Variants in SPRY3 observed in about 807,000 individuals in gnomAD.
The protein encoded by SPRY3 is protein sprouty homolog 3.
A neutral mutation model predicts 20.2 loss-of-function variants in SPRY3; 15 were observed. That is an observed-to-expected ratio of 0.74 (90% CI 0.50 to 1.14). The LOEUF (loss-of-function observed/expected upper bound fraction) is 1.14, where lower values mean the gene tolerates loss of function less well. SPRY3 is among the 50% of genes most tolerant of loss of function. The pLI is 0.00. For missense variants in SPRY3, 364 were observed against 363.9 expected, an observed-to-expected ratio of 1.00 and a Z score of 0.00; for synonymous variants, 143 against 136.5, an observed-to-expected ratio of 1.05 and a Z score of -0.33.
chrX:155,732,026 A>T (rs1385951924), intron 2 of SPRY3, among the ~76,000 whole-genome samples: 1 of 151,996 alleles, frequency 6.6e-6, no homozygotes, highest in Non-Finnish European at 1.5e-5. Context: ...GTAAATCTCA[A>T]TTGATAAAAA....
intron 3 of SPRY3, among the ~76,000 whole-genome samples, chrX:155,768,425 C>A (rs928919986): frequency 1.3e-5 from 2 of 152,028 alleles, no homozygotes; most frequent in Admixed American, 6.5e-5. Context: ...GCCTGTTAAC[C>A]TTTAAATGCA....
intron 2 of SPRY3, among the ~76,000 whole-genome samples, chrX:155,695,832 T>C (rs1376534691): frequency 9.0e-6 from 1 of 111,321 alleles, no homozygotes; most frequent in Non-Finnish European, 1.9e-5. Flanking sequence ...TTTCTGCTGA[T>C]ATTTCCAATT....
intron 2 of SPRY3, among the ~76,000 whole-genome samples, chrX:155,692,056 A>G (rs1269184043): frequency 3.5e-5 from 2 of 57,818 alleles, no homozygotes; most frequent in Non-Finnish European, 6.1e-5. Flanking sequence ...TAACTATTAC[A>G]TATTCTTACT....
At chrX:155,750,210 C>A (rs9657865) in intron 2 of SPRY3, among the ~76,000 whole-genome samples, 3,481 of 151,818 alleles carry the variant, frequency 0.023, 57 homozygotes, top group Non-Finnish European at 0.036. Context: ...TTCTCACTTA[C>A]AAGTGGGAGC....
chrX:155,758,384 C>T (rs1232252411), intron 2 of SPRY3, among the ~76,000 whole-genome samples: 3 of 152,188 alleles, frequency 2.0e-5, no homozygotes, highest in African/African-American at 7.2e-5. Context: ...TTGTCCCTCC[C>T]TCACACACTT....
intron 2 of SPRY3, among the ~76,000 whole-genome samples, chrX:155,767,574 A>AC (rs2124599462): frequency 7.0e-6 from 1 of 142,584 alleles, no homozygotes; most frequent in Non-Finnish European, 1.5e-5. Context: ...GAGGAGGTAA[A>AC]GGAGGAAGAA....
At chrX:155,774,805 C>T in exon 4 of SPRY3, 1 of 1,520,450 alleles carries the variant, frequency 6.6e-7, no homozygotes, top group Non-Finnish European at 8.9e-7. Flanking sequence ...TAGGCCTCAT[C>T]TTTGGAGAGG....
At chrX:155,764,535 C>G (rs1294336589) in intron 2 of SPRY3, among the ~76,000 whole-genome samples, 1 of 152,150 alleles carries the variant, frequency 6.6e-6, no homozygotes, top group Non-Finnish European at 1.5e-5. Flanking sequence ...AATTGGTTAT[C>G]CATTCATTCA....
intron 2 of SPRY3, among the ~76,000 whole-genome samples, chrX:155,672,905 G>A (rs782056227): frequency 1.1e-4 from 12 of 106,224 alleles, no homozygotes; most frequent in South Asian, 4.4e-4. Context: ...ATGAGTTCAT[G>A]TCCTTTGTAG....
intron 2 of SPRY3, among the ~76,000 whole-genome samples, chrX:155,748,198 T>G (rs1257587091): frequency 6.6e-6 from 1 of 151,802 alleles, no homozygotes; most frequent in African/African-American, 2.4e-5. Context: ...ATGTTAAACA[T>G]AAGATTGGTG....
intron 2 of SPRY3, among the ~76,000 whole-genome samples, chrX:155,706,793 G>T (rs2090954703): frequency 6.6e-6 from 1 of 150,808 alleles, no homozygotes; most frequent in African/African-American, 2.4e-5. Flanking sequence ...CATCCAAGAA[G>T]AAATAACCAT....
chrX:155,737,647 T>C (rs1298073299), intron 2 of SPRY3, among the ~76,000 whole-genome samples: 1 of 152,174 alleles, frequency 6.6e-6, no homozygotes, highest in Admixed American at 6.5e-5. Context: ...CTGGATGTGA[T>C]AGTTAGGAAA....
intron 3 of SPRY3, among the ~76,000 whole-genome samples, chrX:155,770,585 T>A (rs1349067909): frequency 2.0e-5 from 3 of 152,098 alleles, no homozygotes; most frequent in African/African-American, 7.2e-5. Context: ...AGCCAAGACC[T>A]GTAATCACCT....
chrX:155,746,218 A>T lies in SPRY3; in HGVS notation c.-281-21744A>T, dbSNP rs28638224. Reference sequence around the variant, plus strand: ...TTACTTTCTTTTATACCTGTAAGCAAGTAAATATTAATAATCTTTTACATT... The same window carrying T: ...TTACTTTCTTTTATACCTGTAAGCATGTAAATATTAATAATCTTTTACATT... On this transcript the variant is annotated intron_variant, in intron 2 of 3. Coordinates refer to ENST00000675360, the Ensembl canonical transcript of SPRY3. 1.1e-3 allele frequency among the ~76,000 whole-genome samples: 171 copies of T among 152,172 alleles called. 1 individual carries two copies. The highest frequency in any genetic ancestry group is 4.0e-3 in the African/African-American group (167 of 41,554).
At chrX:155,768,592 G>C (rs931347111) in intron 3 of SPRY3, among the ~76,000 whole-genome samples, 2 of 152,150 alleles carry the variant, frequency 1.3e-5, no homozygotes, top group African/African-American at 4.8e-5. Flanking sequence ...GCTGTGCATC[G>C]TTCAGATTTC....
At chrX:155,704,162 A>G (rs1372577443) in intron 2 of SPRY3, among the ~76,000 whole-genome samples, 1 of 151,910 alleles carries the variant, frequency 6.6e-6, no homozygotes, top group African/African-American at 2.4e-5. Flanking sequence ...CAAAGATACA[A>G]GAAATATTCA....
chrX:155,614,722 T>A (rs782289549), intron 1 of SPRY3, among the ~76,000 whole-genome samples: 40 of 111,390 alleles, frequency 3.6e-4, no homozygotes, highest in Non-Finnish European at 5.9e-4. Context: ...ATTTTACTTG[T>A]AATAAAATAA....
intron 2 of SPRY3, among the ~76,000 whole-genome samples, chrX:155,711,501 C>G (rs1479141482): frequency 1.3e-5 from 2 of 151,134 alleles, no homozygotes; most frequent in Non-Finnish European, 3.0e-5. Flanking sequence ...GTTGCTATGT[C>G]TTTGTGTTTC....
chrX:155,725,160 G>T (rs1318293723), intron 2 of SPRY3, among the ~76,000 whole-genome samples: 1 of 152,114 alleles, frequency 6.6e-6, no homozygotes, highest in Non-Finnish European at 1.5e-5. Flanking sequence ...TGCATCCCAG[G>T]GATAAAGCCA....
Sources: allele counts gnomAD v4.1 joint callset (sites outside exome capture counted in the v4.1 genomes callset), GRCh38; gene constraint gnomAD v4.1.1; transcripts MANE v1.5; gene names NCBI Gene and HGNC (gene_info 2026-07-23, HGNC 2026-07-21).